The following SEPTIN5 variants were observed in gnomAD, a reference collection of about 807,000 sequenced individuals.
SEPTIN5 encodes the protein septin-5.
A neutral mutation model predicts 51.2 loss-of-function variants in SEPTIN5; 16 were observed. The observed-to-expected ratio is 0.31, with a 90% CI of 0.21 to 0.47. The LOEUF (loss-of-function observed/expected upper bound fraction) is 0.47, where lower values mean the gene tolerates loss of function less well. Ranked by LOEUF, SEPTIN5 falls within the 20% of genes least tolerant of loss-of-function variation. The probability of loss-of-function intolerance (pLI) is 0.99; values close to 1 mark genes in which losing one functional copy is unlikely to be tolerated. For synonymous variants in SEPTIN5, 208 were observed against 191.2 expected (o/e 1.09, Z -0.72); for missense variants, 376 against 500.3 (o/e 0.75, Z 2.37).
intron 2 of SEPTIN5, chr22:19,718,878 A>G: frequency 1.6e-6 from 2 of 1,222,990 alleles, no homozygotes; most frequent in Non-Finnish European, 2.0e-6. Context: ...GGGACTCGGC[A>G]TGGGGTCCCC....
chr22:19,721,780 T>C (rs762838862), intron 9 of SEPTIN5, 42 bp from the exon 10 acceptor site: 1 of 1,601,850 alleles, frequency 6.2e-7, no homozygotes, highest in Admixed American at 1.7e-5. Context: ...GGGAAGGCTG[T>C]CCTGGGCCGG....
rs1384503552 is a variant in SEPTIN5 at position 19,722,775 on chromosome 22, C to T, written c.*291C>T. ...CCCCGGACGGTCACAGCACCCAAAC[C>T]GCAGGCCCTGCTCTGGCAGGCAGGC... On this transcript the variant is annotated 3_prime_UTR_variant, in exon 12 of 12. Coordinates refer to ENST00000455784, the MANE Select transcript of SEPTIN5 (RefSeq NM_002688.6). The T allele has an allele frequency of 7.5e-6, 4 of 530,618 alleles. No individual in the cohort carries two copies. Among genetic ancestry groups the T allele is most frequent in the African/African-American group, 5.7e-5 (3 of 52,794 alleles). 32.9% of individuals were successfully genotyped at this position (530,618 alleles called of 1,614,324 possible).
Sources: gnomAD v4.1 joint callset for allele counts on GRCh38, gnomAD v4.1.1 for gene constraint, MANE v1.5 for transcripts, NCBI Gene and HGNC (gene_info 2026-07-23, HGNC 2026-07-21) for gene names.